The following PHC3 variants were observed in gnomAD, a reference collection of about 807,000 sequenced individuals.
PHC3 encodes the protein polyhomeotic homolog 3.
Under a neutral mutation model 107.4 loss-of-function variants are expected in PHC3, and 13 were observed. That is an observed-to-expected ratio of 0.12 (90% CI 0.08 to 0.19). The LOEUF (loss-of-function observed/expected upper bound fraction) is 0.19. PHC3 is among the 10% of genes least tolerant of loss of function. The pLI, the probability that PHC3 is intolerant of heterozygous loss-of-function variation, is 1.00. For missense variants in PHC3, 992 were observed against 1,210.9 expected (o/e 0.82, Z 2.68); for synonymous variants, 456 against 427.4 (o/e 1.07, Z -0.83).
chr3:170,107,147 AAGG>A (rs1446990721), intron 11 of PHC3, among the ~76,000 whole-genome samples: 1 of 152,224 alleles, frequency 6.6e-6, no homozygotes, highest in African/African-American at 2.4e-5. Context: ...TAAAAATTAC[AAGG>A]AGTTTCTTTC....
intron 1 of PHC3, among the ~76,000 whole-genome samples, chr3:170,179,819 T>C (rs920006951): frequency 1.3e-5 from 2 of 152,154 alleles, no homozygotes; most frequent in Admixed American, 1.3e-4. Context: ...TCCATATTGT[T>C]AGAAACCAGA....
rs1267557494 is a variant in PHC3, at chr3:170,088,135, A to G, written c.*9095T>C. ...AATATCCAATGTAAAGAATACATCT[A>G]TATATAATCTTAACATGTTTTCTGT... On this transcript the variant is annotated 3_prime_UTR_variant, in exon 15 of 15. Transcript: ENST00000495893. 6.6e-6 allele frequency: 1 copy of G among 152,200 alleles called. No homozygotes were observed. Among genetic ancestry groups the G allele is most frequent in the Non-Finnish European group, 1.5e-5 (1 of 68,022 alleles). 9.4% of individuals were successfully genotyped at this position (152,200 alleles called of 1,614,324 possible). A position where few individuals can be genotyped will look rare whatever the true frequency, so the allele number is the denominator to read the frequency against.
chr3:170,149,933 T>A (rs1725630598), intron 4 of PHC3: 1 of 152,230 alleles, frequency 6.6e-6, no homozygotes, highest in Admixed American at 6.5e-5. Flanking sequence ...TTCAAATTCA[T>A]GAAGCTTTCC....
chr3:170,152,337 AT>A (rs1220193435), intron 4 of PHC3, among the ~76,000 whole-genome samples: 2,597 of 122,170 alleles, frequency 0.021, 44 homozygotes, highest in East Asian at 0.09. Flanking sequence ...CGCCTGGCTA[AT>A]TTTTTTTTTT....
chr3:170,113,871 G>T (rs1718349803), intron 10 of PHC3, among the ~76,000 whole-genome samples: 1 of 151,750 alleles, frequency 6.6e-6, no homozygotes, highest in East Asian at 1.9e-4. Context: ...TATTTTGGTA[G>T]CTCAGTCCAA....
At chr3:170,108,763 T>C (rs746965376) in intron 11 of PHC3, among the ~76,000 whole-genome samples, 9 of 152,186 alleles carry the variant, frequency 5.9e-5, no homozygotes, top group Non-Finnish European at 1.2e-4. Flanking sequence ...CAACCACCAC[T>C]GCCATTAGTT....
At chr3:170,166,886 C>T (rs977571859) in intron 4 of PHC3, among the ~76,000 whole-genome samples, 7 of 152,046 alleles carry the variant, frequency 4.6e-5, no homozygotes, top group Non-Finnish European at 1.0e-4. Flanking sequence ...AACTGCTAGA[C>T]TCAAGTGATC....
rs1189606026 is a variant in PHC3 at position 170,113,411 on chromosome 3, T to C, written c.2302A>G (p.Lys768Glu). The change falls in exon 11 of 15, where the codon AAA becomes GAA. Residue 768 changes from lysine to glutamate, a missense_variant. Lys to Glu is a moderately conservative substitution (Grantham distance 56). This residue lies in a region of PHC3 where 228 missense variants were observed against 288.8 expected (regional missense o/e 0.79). Coordinates refer to ENST00000495893, the MANE Select transcript of PHC3 (RefSeq NM_024947.4). ...CVQPELQNNT[K>E]HADNSSDTEM... ...GTGTCAGATGAATTATCCGCATGTT[T>C]TGTATTATTCTGTAGCTCTGGCTGA... 6.2e-7 allele frequency: 1 copy of C among 1,612,272 alleles called. No individual in the cohort carries two copies.
At chr3:170,173,202 A>C (rs552402271) in intron 2 of PHC3, among the ~76,000 whole-genome samples, 106 of 152,080 alleles carry the variant, frequency 7.0e-4, no homozygotes, top group African/African-American at 2.3e-3. Flanking sequence ...TCAAAAAAAA[A>C]AAAACAAAAC....
chr3:170,144,180 AAAG>A (rs1377626298), intron 6 of PHC3, among the ~76,000 whole-genome samples: 27 of 151,476 alleles, frequency 1.8e-4, no homozygotes, highest in Non-Finnish European at 1.5e-5. Flanking sequence ...AAAAAAGAAA[AAAG>A]AAAAAAAATT....
At chr3:170,108,678 T>C (rs888784791) in intron 11 of PHC3, among the ~76,000 whole-genome samples, 2 of 152,180 alleles carry the variant, frequency 1.3e-5, no homozygotes, top group African/African-American at 4.8e-5. Context: ...TGTTTTTATT[T>C]TGTCATGCTT....
intron 9 of PHC3, 63 bp downstream of exon 9, chr3:170,122,528 A>T (rs1720548661): frequency 1.3e-6 from 2 of 1,551,220 alleles, no homozygotes; most frequent in South Asian, 2.2e-5. Context: ...AAAAAAATCA[A>T]CTTTTCCTAT....
chr3:170,164,312 T>A (rs1394194197), intron 4 of PHC3, among the ~76,000 whole-genome samples: 1 of 152,210 alleles, frequency 6.6e-6, no homozygotes, highest in Non-Finnish European at 1.5e-5. Context: ...ATTTGTGTTA[T>A]CTATTCCTTA....
chr3:170,145,755 A>C (rs1018177418), intron 5 of PHC3, among the ~76,000 whole-genome samples: 4 of 152,372 alleles, frequency 2.6e-5, no homozygotes, highest in Non-Finnish European at 5.9e-5. Flanking sequence ...AAAAAAAAGC[A>C]GTACTCAAAA....
At chr3:170,124,406 A>C (rs1720937478) in intron 8 of PHC3, among the ~76,000 whole-genome samples, 1 of 151,934 alleles carries the variant, frequency 6.6e-6, no homozygotes, top group Non-Finnish European at 1.5e-5. Flanking sequence ...TTTTTGAGAA[A>C]GGGTCTCACT....
intron 7 of PHC3, among the ~76,000 whole-genome samples, chr3:170,132,754 A>G (rs551624811): frequency 7.6e-4 from 116 of 152,342 alleles, no homozygotes; most frequent in Non-Finnish European, 1.3e-3. Flanking sequence ...GCTGGAGCAG[A>G]TTGATTAATA....
intron 11 of PHC3, among the ~76,000 whole-genome samples, chr3:170,112,589 T>C (rs1229996785): frequency 6.8e-6 from 1 of 146,920 alleles, no homozygotes; most frequent in African/African-American, 2.5e-5. Flanking sequence ...AGTGGCGCAA[T>C]CTCAGCTCAC....
At chr3:170,143,326 A>G (rs931666068) in intron 6 of PHC3, among the ~76,000 whole-genome samples, 17 of 152,006 alleles carry the variant, frequency 1.1e-4, no homozygotes, top group South Asian at 2.1e-4. Flanking sequence ...AATACGGGGG[A>G]AAAAAAGTCC....
chr3:170,111,697 A>G (rs1167423368), intron 11 of PHC3, among the ~76,000 whole-genome samples: 1 of 152,254 alleles, frequency 6.6e-6, no homozygotes, highest in African/African-American at 2.4e-5. Context: ...TTAAACTAAT[A>G]TACTCCTTGC....
Sources: gnomAD v4.1 joint callset for allele counts (sites outside exome capture counted in the v4.1 genomes callset) on GRCh38, gnomAD v4.1.1 for gene constraint, gnomAD v4.1.1 regional missense constraint, MANE v1.5 for transcripts, NCBI Gene and HGNC (gene_info 2026-07-23, HGNC 2026-07-21) for gene names.